ASIC2: variants seen among roughly 807,000 people sequenced by gnomAD.
The protein encoded by ASIC2 is acid-sensing ion channel 2.
Under a neutral mutation model 57.3 loss-of-function variants are expected in ASIC2, and 25 were observed. That is an observed-to-expected ratio of 0.44 (90% CI 0.32 to 0.61). The LOEUF (loss-of-function observed/expected upper bound fraction) is 0.61. Ranked by LOEUF, ASIC2 falls within the 20% of genes least tolerant of loss-of-function variation. The pLI, the probability that ASIC2 is intolerant of heterozygous loss-of-function variation, is 0.06. For synonymous variants in ASIC2, 319 were observed against 307.5 expected, an observed-to-expected ratio of 1.04 and a Z score of -0.39; for missense variants, 641 against 738.1, an observed-to-expected ratio of 0.87 and a Z score of 1.52.
At chr17:33,298,694 A>G (rs539345893) in intron 1 of ASIC2, among the ~76,000 whole-genome samples, 48 of 152,288 alleles carry the variant, frequency 3.2e-4, no homozygotes, top group African/African-American at 1.2e-3. Flanking sequence ...CAATGGTTGA[A>G]CTAGTTTACA....
chr17:33,272,711 C>T (rs531202879), intron 1 of ASIC2, among the ~76,000 whole-genome samples: 95 of 152,340 alleles, frequency 6.2e-4, no homozygotes, highest in African/African-American at 2.2e-3. Flanking sequence ...TCACCATCAT[C>T]ATCATTGTCA....
chr17:33,125,193 G>A (rs910767164), intron 1 of ASIC2, among the ~76,000 whole-genome samples: 2 of 152,192 alleles, frequency 1.3e-5, no homozygotes, highest in African/African-American at 2.4e-5. Flanking sequence ...ACAACTTGAG[G>A]GCTTGGGTAG....
rs767821413 is a variant in ASIC2, at chr17:33,610,051, GGC to G, written c.556-497986_556-497985del. ...TCTCTTCACTGGGACCCTGGACAGA[GGC>G]GCACACACACACACACACACACACA... On this transcript the variant is annotated intron_variant, in intron 1 of 9. Coordinates refer to the ASIC2 transcript ENST00000359872. 7.2e-5 allele frequency among the ~76,000 whole-genome samples: 8 copies of G among 110,786 alleles called. No homozygotes were observed. In the East Asian group the frequency reaches 9.1e-4, roughly 13 times the overall value. 72.7% of individuals were successfully genotyped at this position (110,786 alleles called of 152,430 possible).
chr17:33,311,744 A>G (rs1906434027), intron 1 of ASIC2, among the ~76,000 whole-genome samples: 1 of 150,900 alleles, frequency 6.6e-6, no homozygotes, highest in African/African-American at 2.4e-5. Context: ...CAGAGAGGAG[A>G]CTCTTCCTTG....
chr17:33,989,684 C>T (rs1362784447), intron 1 of ASIC2, among the ~76,000 whole-genome samples: 1 of 152,146 alleles, frequency 6.6e-6, no homozygotes, highest in African/African-American at 2.4e-5. Flanking sequence ...AGCCCATTAC[C>T]AGAGACTCAA....
chr17:33,458,114 G>A (rs1293084381), intron 1 of ASIC2, among the ~76,000 whole-genome samples: 1 of 152,174 alleles, frequency 6.6e-6, no homozygotes, highest in Admixed American at 6.5e-5. Flanking sequence ...TAGATCAATG[G>A]CAGGTTATGG....
At chr17:33,215,959 A>G (rs1907468292) in intron 1 of ASIC2, among the ~76,000 whole-genome samples, 1 of 152,196 alleles carries the variant, frequency 6.6e-6, no homozygotes, top group African/African-American at 2.4e-5. Flanking sequence ...TCGGCCTCCC[A>G]AAGTGCTGGG....
chr17:33,990,410 T>C (rs1255216412), intron 1 of ASIC2, among the ~76,000 whole-genome samples: 1 of 152,248 alleles, frequency 6.6e-6, no homozygotes, highest in East Asian at 1.9e-4. Flanking sequence ...GTCTTGGAGT[T>C]GGCCTCAGAG....
intron 3 of ASIC2, among the ~76,000 whole-genome samples, chr17:33,062,165 G>A (rs889587199): frequency 2.6e-5 from 4 of 152,126 alleles, no homozygotes; most frequent in African/African-American, 9.7e-5. Flanking sequence ...ATCTCCTTCA[G>A]TTCTGCTCTG....
intron 1 of ASIC2, among the ~76,000 whole-genome samples, chr17:33,271,960 C>T (rs537722875): frequency 2.0e-5 from 3 of 152,368 alleles, no homozygotes; most frequent in South Asian, 4.1e-4. Context: ...TCCTCTTCTA[C>T]TCTGCTCAAG....
intron 1 of ASIC2, among the ~76,000 whole-genome samples, chr17:33,705,093 C>G (rs1908824204): frequency 2.0e-5 from 3 of 152,134 alleles, no homozygotes; most frequent in Non-Finnish European, 4.4e-5. Flanking sequence ...AGTCTTGGAA[C>G]TAGTTAGCCT....
At chr17:33,691,848 C>T (rs1012454362) in intron 1 of ASIC2, among the ~76,000 whole-genome samples, 2 of 151,916 alleles carry the variant, frequency 1.3e-5, no homozygotes, top group African/African-American at 4.8e-5. Flanking sequence ...TCTGTGTATA[C>T]ATCTACAACT....
At chr17:33,370,612 C>G (rs1184265710) in intron 1 of ASIC2, among the ~76,000 whole-genome samples, 2 of 152,162 alleles carry the variant, frequency 1.3e-5, no homozygotes, top group Non-Finnish European at 2.9e-5. Flanking sequence ...TCCACACCTC[C>G]CAGCTGGAGG....
At chr17:33,147,151 GTGCTAT>G (rs1904596549) in intron 1 of ASIC2, among the ~76,000 whole-genome samples, 1 of 152,206 alleles carries the variant, frequency 6.6e-6, no homozygotes, top group African/African-American at 2.4e-5. Context: ...GATGGCAGGA[GTGCTAT>G]TATTTTTATC....
intron 1 of ASIC2, 105 bp downstream of exon 1, chr17:33,291,303 A>C: frequency 6.9e-7 from 1 of 1,450,700 alleles, no homozygotes; most frequent in African/African-American, 1.4e-5. Flanking sequence ...GAGTGGTAAC[A>C]CTGCAAGAGG....
rs1214052903 is a variant in ASIC2, at chr17:33,017,631, G to A, written c.1495C>T (p.Leu499=). The change falls in exon 8 of 10, where the codon CTA becomes TTA. Residue 499 remains leucine, a synonymous_variant. Transcript: ENST00000225823. ...TCATAAATATAATCAAAGAGCTCTA[G>A]TATTGTAAGGATACTAGCACCAATG... ...LFIGASILTI[L]ELFDYIYELI... The A allele has an allele frequency of 2.5e-6, 4 of 1,613,658 alleles. No homozygotes were observed. In the South Asian group the frequency reaches 3.3e-5, roughly 13 times the overall value.
At chr17:33,538,841 T>C (rs1915318494) in intron 1 of ASIC2, among the ~76,000 whole-genome samples, 1 of 152,190 alleles carries the variant, frequency 6.6e-6, no homozygotes. Context: ...TCAGGTAGAT[T>C]TAGAAATAGA....
chr17:33,195,328 A>C (rs1476434511), intron 1 of ASIC2, among the ~76,000 whole-genome samples: 1 of 152,146 alleles, frequency 6.6e-6, no homozygotes, highest in Non-Finnish European at 1.5e-5. Context: ...CCATATCTGC[A>C]TGACCTTGAA....
chr17:33,220,833 C>T (rs950514936), intron 1 of ASIC2, among the ~76,000 whole-genome samples: 4 of 151,992 alleles, frequency 2.6e-5, no homozygotes, highest in African/African-American at 7.3e-5. Flanking sequence ...TTTGGGGGGC[C>T]GAGGCGGGAA....
Sources: allele counts gnomAD v4.1 joint callset (sites outside exome capture counted in the v4.1 genomes callset), GRCh38; gene constraint gnomAD v4.1.1; transcripts MANE v1.5; gene names NCBI Gene and HGNC (gene_info 2026-07-23, HGNC 2026-07-21).